ROBO1: variants seen among roughly 807,000 people sequenced by gnomAD.
ROBO1 encodes the protein roundabout guidance receptor 1.
ROBO1 carries 149 observed loss-of-function variants against 195.9 expected under a neutral mutation model. That is an observed-to-expected ratio of 0.76 (90% CI 0.67 to 0.87). The LOEUF (loss-of-function observed/expected upper bound fraction) is 0.87. Ranked by LOEUF, ROBO1 falls within the 40% of genes least tolerant of loss-of-function variation. ROBO1 has a pLI of 0.00. For missense variants in ROBO1, 1,933 were observed against 2,068.3 expected (o/e 0.93, Z 1.27); for synonymous variants, 816 against 733.2 (o/e 1.11, Z -1.82).
intron 1 of ROBO1, among the ~76,000 whole-genome samples, chr3:79,761,175 A>G (rs1311550123): frequency 2.0e-5 from 3 of 148,600 alleles, no homozygotes; most frequent in Non-Finnish European, 4.5e-5. Flanking sequence ...ATATGTATAT[A>G]CTTATAGTAT....
chr3:78,945,042 C>A (rs2040349578), intron 3 of ROBO1, among the ~76,000 whole-genome samples: 1 of 152,212 alleles, frequency 6.6e-6, no homozygotes, highest in African/African-American at 2.4e-5. Flanking sequence ...GGGTGAAGCC[C>A]ACCACAGCTC....
At chr3:78,803,044 C>T (rs559478519) in intron 4 of ROBO1, among the ~76,000 whole-genome samples, 5 of 152,072 alleles carry the variant, frequency 3.3e-5, no homozygotes, top group Admixed American at 6.6e-5. Flanking sequence ...GAGTACTCTC[C>T]GATCTGTGCA....
At chr3:79,758,728 A>G (rs1366497211) in intron 1 of ROBO1, among the ~76,000 whole-genome samples, 1 of 152,162 alleles carries the variant, frequency 6.6e-6, no homozygotes, top group Non-Finnish European at 1.5e-5. Context: ...TGTACCTTGT[A>G]TTGTAAGGCA....
chr3:79,036,694 T>C (rs1180801181), intron 3 of ROBO1, among the ~76,000 whole-genome samples: 2 of 152,216 alleles, frequency 1.3e-5, no homozygotes, highest in Non-Finnish European at 2.9e-5. Context: ...AGTTTTATAA[T>C]GACCCAAAGT....
intron 2 of ROBO1, among the ~76,000 whole-genome samples, chr3:79,398,573 C>T (rs2037238781): frequency 6.6e-6 from 1 of 152,062 alleles, no homozygotes; most frequent in Non-Finnish European, 1.5e-5. Context: ...CTATAAAAAA[C>T]TGGAATTAGC....
At chr3:78,986,932 G>C (rs1323047615) in intron 3 of ROBO1, among the ~76,000 whole-genome samples, 1 of 152,066 alleles carries the variant, frequency 6.6e-6, no homozygotes, top group African/African-American at 2.4e-5. Context: ...CATTTTACTA[G>C]GTATAGAGAA....
At chr3:79,250,718 T>C (rs746981234) in intron 2 of ROBO1, among the ~76,000 whole-genome samples, 1 of 152,166 alleles carries the variant, frequency 6.6e-6, no homozygotes, top group Admixed American at 6.6e-5. Context: ...AAATAACTAA[T>C]AATTTTAATA....
chr3:79,665,370 C>T (rs1946446592), intron 1 of ROBO1, among the ~76,000 whole-genome samples: 1 of 151,506 alleles, frequency 6.6e-6, no homozygotes, highest in Non-Finnish European at 1.5e-5. Flanking sequence ...TATAAGTCTC[C>T]TTGTTTTATT....
intron 24 of ROBO1, among the ~76,000 whole-genome samples, 185 bp downstream of exon 24, chr3:78,633,750 A>G (rs1317425553): frequency 6.6e-6 from 1 of 152,200 alleles, no homozygotes; most frequent in Non-Finnish European, 1.5e-5. Context: ...GCCAAATAGA[A>G]CATAAAATGA....
chr3:79,548,594 A>C (rs988121100), intron 2 of ROBO1, among the ~76,000 whole-genome samples: 9 of 152,220 alleles, frequency 5.9e-5, no homozygotes, highest in African/African-American at 2.2e-4. Context: ...CACTTATTTC[A>C]TTAATAATTT....
rs762887120 is a variant in ROBO1 at position 78,667,904 on chromosome 3, A to C, written c.1945T>G (p.Ser649Ala). The C allele has an allele frequency of 6.2e-7, 1 of 1,613,522 alleles. No individual in the cohort carries two copies. The highest frequency in any genetic ancestry group is 1.3e-5 in the African/African-American group (1 of 74,874). Residue 649 changes from serine (S) to alanine (A), a missense_variant, in exon 14 of 31, where the codon TCA becomes GCA. Physicochemically the swap from Ser to Ala is moderately conservative, Grantham distance 99. Coordinates refer to ENST00000464233, the MANE Select transcript of ROBO1 (RefSeq NM_002941.4). The part of the protein sequence containing the change: ...AYGISDPSQI[S>A]DPVKTQDVLP... The stretch of plus-strand genomic sequence containing the variant: ...TTACCTTGTGTTTTCACTGGATCTG[A>C]TATTTGGCTTGGATCACTAATTCCA...
Position 79,694,553 on chromosome 3 carries a change from T to C in ROBO1, c.-51+73199A>G, listed in dbSNP as rs191981858. Among the ~76,000 whole-genome samples the C allele has an allele frequency of 1.3e-4, 20 of 151,864 alleles. No individual in the cohort carries two copies. The East Asian group carries it at 3.1e-3, about 24-fold the overall frequency. ...CAATAAATGGCTTGCATTTTCACCA[T>C]CAAGTTAAAATTAAAGGAGAAAATA... is the stretch of plus-strand genomic sequence containing the variant. On this transcript the variant is annotated intron_variant, in intron 1 of 30. Transcript: ENST00000464233.
rs191691868 is a variant in ROBO1 at position 78,804,165 on chromosome 3, C to T, written c.500-57265G>A. ...AATAGCATTAATATATCTTTCCACA[C>T]AAATAATTGCATTCAGATTTGGTAA... is the stretch of plus-strand genomic sequence containing the variant. On this transcript the variant is annotated intron_variant, in intron 4 of 30. Transcript: ENST00000464233. Among the ~76,000 whole-genome samples, 26 of 152,284 alleles carry T rather than the reference C, an allele frequency of 1.7e-4. 1 individual carries two copies. Among genetic ancestry groups the T allele is most frequent in the African/African-American group, 5.8e-4 (24 of 41,570 alleles).
intron 2 of ROBO1, among the ~76,000 whole-genome samples, chr3:79,321,529 C>G (rs2033980269): frequency 6.6e-6 from 1 of 152,116 alleles, no homozygotes; most frequent in South Asian, 2.1e-4. Context: ...AGTTCCTTTT[C>G]CTCTTCGTCA....
At chr3:78,896,955 C>G (rs900156715) in intron 4 of ROBO1, among the ~76,000 whole-genome samples, 2 of 152,126 alleles carry the variant, frequency 1.3e-5, no homozygotes. Context: ...TCACAATCAA[C>G]GGAGGCAGGA....
chr3:78,827,768 C>G (rs1007215430), intron 4 of ROBO1, among the ~76,000 whole-genome samples: 3 of 152,154 alleles, frequency 2.0e-5, no homozygotes, highest in African/African-American at 7.2e-5. Flanking sequence ...GCAGAATGTT[C>G]TCTTCCTAAG....
At chr3:79,300,705 C>T (rs950987144) in intron 2 of ROBO1, among the ~76,000 whole-genome samples, 5 of 152,182 alleles carry the variant, frequency 3.3e-5, no homozygotes, top group African/African-American at 1.2e-4. Flanking sequence ...GGTGGAGAAC[C>T]TTTATGTCTA....
chr3:79,136,668 C>T (rs1043905582), intron 2 of ROBO1, among the ~76,000 whole-genome samples: 2 of 152,052 alleles, frequency 1.3e-5, no homozygotes, highest in African/African-American at 2.4e-5. Context: ...ATTTGTGAAG[C>T]TTTAAATTTG....
intron 3 of ROBO1, among the ~76,000 whole-genome samples, chr3:78,948,378 G>A (rs767686635): frequency 5.6e-4 from 86 of 152,244 alleles, no homozygotes; most frequent in Non-Finnish European, 9.7e-4. Context: ...ATCAATAAAC[G>A]TAATCCAGCT....
Sources: allele counts gnomAD v4.1 joint callset (sites outside exome capture counted in the v4.1 genomes callset), GRCh38; gene constraint gnomAD v4.1.1; transcripts MANE v1.5; gene names NCBI Gene and HGNC (gene_info 2026-07-23, HGNC 2026-07-21).